SMC1A: variants seen among roughly 807,000 people sequenced by gnomAD.
SMC1A encodes structural maintenance of chromosomes 1A.
SMC1A carries 4 observed loss-of-function variants against 94.5 expected under a neutral mutation model. That is an observed-to-expected ratio of 0.04 (90% confidence interval 0.02 to 0.10). The LOEUF is 0.10. Ranked by LOEUF, SMC1A falls within the 10% of genes least tolerant of loss-of-function variation. SMC1A has a pLI of 1.00. For synonymous variants in SMC1A, 345 were observed against 347.7 expected, an observed-to-expected ratio of 0.99 and a Z score of 0.09; for missense variants, 304 against 989.0, an observed-to-expected ratio of 0.31 and a Z score of 9.29.
At chrX:53,408,068 C>T (rs1326406466) in intron 9 of SMC1A, among the ~76,000 whole-genome samples, 1 of 112,090 alleles carries the variant, frequency 8.9e-6, no homozygotes, top group African/African-American at 3.2e-5. Flanking sequence ...GTGACTCACG[C>T]CTGTAACCCT....
Position 53,392,127 on chromosome X carries a change from A to T in SMC1A, c.2973+2651T>A, listed in dbSNP as rs1335205335. 2.7e-5 allele frequency among the ~76,000 whole-genome samples: 3 copies of T among 111,468 alleles called. No individual in the cohort carries two copies. The East Asian group carries it at 8.6e-4, about 32-fold the overall frequency. ...TTTCCACGGCCGGGCACAGTGGCTC[A>T]CGCCTGTAATCCCAGCACTTTGGGA... On this transcript the variant is annotated intron_variant, in intron 19 of 24. Coordinates refer to ENST00000322213, the MANE Select transcript of SMC1A (RefSeq NM_006306.4).
In SMC1A at chrX:53,404,156, T is replaced by C. The variant is rs1346824361; in HGVS notation, c.2197-263A>G. On this transcript the variant is annotated intron_variant, in intron 13 of 24. Transcript: ENST00000322213. ...ATTAGGTATAGGTCCCAGTCTTTGA[T>C]CTACAACCCCTGGGGGCAGAGTTGT... Among the ~76,000 whole-genome samples, 4 of 111,512 alleles carry C rather than the reference T, an allele frequency of 3.6e-5. No homozygotes were observed. In the Admixed American group the frequency reaches 3.8e-4, roughly 11 times the overall value.
rs918387605 is a variant in SMC1A at position 53,415,025 on chromosome X, G to C, written c.254C>G (p.Ser85Cys). 1 of 1,209,205 alleles carries C rather than the reference G, an allele frequency of 8.3e-7. No individual in the cohort carries two copies. Among genetic ancestry groups the C allele is most frequent in the African/African-American group, 1.8e-5 (1 of 56,939 alleles). ...GGTACGGTCCTCAGCACCCTCCTCA[G>C]AGTAGACCATGCTGACAAAGGCCCG... is the stretch of plus-strand genomic sequence containing the variant. ...ANRAFVSMVYSEEGAEDRTFA... is the reference protein window; with the variant it reads ...ANRAFVSMVYCEEGAEDRTFA... The change falls in exon 2 of 25, where the codon TCT becomes TGT. Residue 85 changes from serine to cysteine, a missense_variant. By Grantham distance (112) the Ser-to-Cys change is moderately radical (BLOSUM62 -1). This residue lies in a region of SMC1A where 120 missense variants were observed against 314.9 expected (regional missense o/e 0.38). Coordinates refer to ENST00000322213, the MANE Select transcript of SMC1A (RefSeq NM_006306.4).
rs782175064 is a variant in SMC1A, at chrX:53,380,646, C to T, written c.3592G>A (p.Glu1198Lys). The T allele has an allele frequency of 1.7e-6, 2 of 1,205,342 alleles. No individual in the cohort carries two copies. The highest frequency in any genetic ancestry group is 2.2e-6 in the Non-Finnish European group (2 of 889,739). ...SLKEEFYTKA[E>K]SLIGVYPEQG... ...TCAGGATAGACTCCAATGAGGCTCTCGGCCTTGGTGTAGAACTCCTCCTTG... is the reference window on the plus strand; with the variant it reads ...TCAGGATAGACTCCAATGAGGCTCTTGGCCTTGGTGTAGAACTCCTCCTTG... Residue 1198 changes from glutamate to lysine, a missense_variant, in exon 24 of 25, where the codon GAG (glutamate) becomes AAG (lysine). Glu to Lys is a moderately conservative substitution (Grantham distance 56). Transcript: ENST00000322213.
rs1239242575 is a variant in SMC1A, at chrX:53,379,068, C to A, written c.*1035G>T. On this transcript the variant is annotated 3_prime_UTR_variant, in exon 25 of 25. Coordinates refer to ENST00000322213, the MANE Select transcript of SMC1A (RefSeq NM_006306.4). ...GATCAGAAGCTCTCAGGGGTCCAGG[C>A]ATGAGGGTTATATTCTGAGGGGTCG... The A allele has an allele frequency of 8.9e-6, 1 of 111,842 alleles. No homozygotes were observed. Among genetic ancestry groups the A allele is most frequent in the Non-Finnish European group, 1.9e-5 (1 of 53,191 alleles). 9.2% of individuals were successfully genotyped at this position (111,842 alleles called of 1,213,427 possible). A position where few individuals can be genotyped will look rare whatever the true frequency, so the allele number is the denominator to read the frequency against.
At chrX:53,384,748 C>G (rs782016360) in intron 19 of SMC1A, among the ~76,000 whole-genome samples, 1 of 110,934 alleles carries the variant, frequency 9.0e-6, no homozygotes, top group Admixed American at 9.6e-5. Flanking sequence ...GAATTTGAGA[C>G]CAGCCTGGGC....
At chrX:53,415,885 G>A (rs991591125) in intron 1 of SMC1A, among the ~76,000 whole-genome samples, 2 of 105,303 alleles carry the variant, frequency 1.9e-5, no homozygotes, top group Non-Finnish European at 3.9e-5. Context: ...AAAAAAAGAA[G>A]CTAGAACCCA....
intron 5 of SMC1A, among the ~76,000 whole-genome samples, chrX:53,412,566 A>G (rs781935036): frequency 4.5e-5 from 5 of 111,295 alleles, no homozygotes; most frequent in African/African-American, 1.6e-4. Context: ...TCAAATTCCT[A>G]TCCTTTAAAC....
At chrX:53,420,976 G>A (rs981274216) in intron 1 of SMC1A, among the ~76,000 whole-genome samples, 18 of 111,538 alleles carry the variant, frequency 1.6e-4, no homozygotes, top group African/African-American at 5.9e-4. Flanking sequence ...CTCACCAAAG[G>A]GACTAAAGGA....
At chrX:53,397,068 T>C (rs1299622459) in intron 16 of SMC1A, among the ~76,000 whole-genome samples, 2 of 110,575 alleles carry the variant, frequency 1.8e-5, no homozygotes, top group East Asian at 2.8e-4. Context: ...GTTGTTGTTT[T>C]TTTTTTAAAC....
At position 53,405,532 on chromosome X, in the gene SMC1A, A is replaced by C. The variant is rs1369059288; in HGVS notation, c.1872T>G (p.Asp624Glu). The C allele has an allele frequency of 8.3e-7, 1 of 1,210,818 alleles. No individual in the cohort carries two copies. The highest frequency in any genetic ancestry group is 1.1e-6 in the Non-Finnish European group (1 of 895,425). The change falls in exon 11 of 25, where the codon GAT becomes GAG. Residue 624 changes from aspartate to glutamate, a missense_variant. Around this residue, in one of 11 missense-constraint regions of SMC1A, gnomAD observed 57 missense variants for 278.1 expected, o/e 0.20. Coordinates refer to ENST00000322213, the MANE Select transcript of SMC1A (RefSeq NM_006306.4). Reference sequence around the variant, plus strand: ...GGCCTCCAAAGGCAATGCGGCGGGCATCTTCCACGTTGTCACAGACAAGGG... The same window carrying C: ...GGCCTCCAAAGGCAATGCGGCGGGCCTCTTCCACGTTGTCACAGACAAGGG... ...GNALVCDNVE[D>E]ARRIAFGGHQ...
intron 13 of SMC1A, among the ~76,000 whole-genome samples, 185 bp from the exon 14 acceptor site, chrX:53,404,078 G>A (rs2075681779): frequency 9.0e-6 from 1 of 111,215 alleles, no homozygotes; most frequent in African/African-American, 3.3e-5. Context: ...CTTCTTCCCT[G>A]GCATCCAGTT....
chrX:53,400,687 C>T (rs1318352161), intron 15 of SMC1A, among the ~76,000 whole-genome samples: 4 of 111,211 alleles, frequency 3.6e-5, no homozygotes, highest in African/African-American at 1.3e-4. Flanking sequence ...GTCCTCCTCT[C>T]CATCTCTTCA....
At chrX:53,408,840 T>TAAAAAAAAAA (rs1295569888) in intron 9 of SMC1A, among the ~76,000 whole-genome samples, 3 of 67,058 alleles carry the variant, frequency 4.5e-5, no homozygotes, top group East Asian at 4.8e-4. Context: ...GGTTGAAAAA[T>TAAAAAAAAAA]AAAAAAAAAA....
At chrX:53,398,563 ATTTAATT>A (rs782065756) in intron 16 of SMC1A, among the ~76,000 whole-genome samples, 8 of 111,446 alleles carry the variant, frequency 7.2e-5, no homozygotes, top group African/African-American at 2.6e-4. Flanking sequence ...TTTTGTTAGT[ATTTAATT>A]TTTAACTTTG....
At position 53,403,626 on chromosome X, in the gene SMC1A, C is replaced by T. The variant is rs782402477; in HGVS notation, c.2360G>A (p.Arg787His). The change falls in exon 15 of 25, where the codon CGC becomes CAC. Residue 787 changes from arginine (R) to histidine (H), a missense_variant. Around this residue, in one of 11 missense-constraint regions of SMC1A, gnomAD observed 57 missense variants for 278.1 expected, o/e 0.20. Coordinates refer to ENST00000322213, the MANE Select transcript of SMC1A (RefSeq NM_006306.4). ...TTCTTCCTCAAACTCCCGGATGTTGCGCACACCAATCTCCCGACAAAACTC... is the reference window on the plus strand; with the variant it reads ...TTCTTCCTCAAACTCCCGGATGTTGTGCACACCAATCTCCCGACAAAACTC... ...FEEFCREIGV[R>H]NIREFEEEKV... 6 of 1,208,836 alleles carry T rather than the reference C, an allele frequency of 5.0e-6. No individual in the cohort carries two copies. The highest frequency in any genetic ancestry group is 6.7e-6 in the Non-Finnish European group (6 of 893,956).
At chrX:53,405,719 T>C in intron 10 of SMC1A, 47 bp from the exon 11 acceptor site, 1 of 1,207,036 alleles carries the variant, frequency 8.3e-7, no homozygotes, top group Non-Finnish European at 1.1e-6. Flanking sequence ...CAGGGAGTAC[T>C]AGAGGAGGGG....
intron 19 of SMC1A, among the ~76,000 whole-genome samples, chrX:53,390,719 G>A (rs1479003690): frequency 2.8e-5 from 3 of 107,909 alleles, no homozygotes; most frequent in African/African-American, 1.0e-4. Context: ...GGGGCCAGGC[G>A]CGGTGGCTCA....
intron 19 of SMC1A, among the ~76,000 whole-genome samples, chrX:53,385,683 C>T (rs920531389): frequency 2.2e-4 from 24 of 110,669 alleles, no homozygotes; most frequent in African/African-American, 1.6e-4. Flanking sequence ...AAACATATAA[C>T]GGCAAGAAAA....
Sources: allele counts gnomAD v4.1 joint callset (sites outside exome capture counted in the v4.1 genomes callset), GRCh38; gene constraint gnomAD v4.1.1; regional missense constraint gnomAD v4.1.1; transcripts MANE v1.5; gene names NCBI Gene and HGNC (gene_info 2026-07-23, HGNC 2026-07-21).